The following KTN1 variants were observed in gnomAD, a reference collection of about 807,000 sequenced individuals.
KTN1 encodes kinectin 1, also known as kinectin.
In KTN1, 130 loss-of-function variants were observed where a neutral mutation model predicts 222.5. That is an observed-to-expected ratio of 0.58 (90% CI 0.51 to 0.68). The LOEUF is 0.68. Among genes scored for constraint, KTN1 ranks in the 30% least tolerant of loss-of-function variants. The pLI is 0.00. For missense variants in KTN1, 1,508 were observed against 1,500.4 expected, an observed-to-expected ratio of 1.01 and a Z score of -0.08; for synonymous variants, 512 against 496.3, an observed-to-expected ratio of 1.03 and a Z score of -0.42.
rs2141392803 is a variant in KTN1, at chr14:55,678,348, AT to A, written c.3856-3del. The A allele has an allele frequency of 7.0e-6, 11 of 1,577,724 alleles. No individual in the cohort carries two copies. Among genetic ancestry groups the A allele is most frequent in the Middle Eastern group, 1.7e-4 (1 of 5,992 alleles). On this transcript the variant is annotated splice_polypyrimidine_tract_variant and splice_region_variant and intron_variant, in intron 41 of 43. Transcript: ENST00000395314. ...TAGTAGCTACCATATTGTTTTCCTTATAGGCTCAACAGTCACTGGAGCTTAT... is the reference window on the plus strand; with the variant it reads ...TAGTAGCTACCATATTGTTTTCCTTAAGGCTCAACAGTCACTGGAGCTTAT...
At chr14:55,624,380 G>C (rs1252398430) in intron 5 of KTN1, among the ~76,000 whole-genome samples, 1 of 152,210 alleles carries the variant, frequency 6.6e-6, no homozygotes, top group Non-Finnish European at 1.5e-5. Flanking sequence ...CTAAAGAAGA[G>C]TCCATGGTGA....
At chr14:55,654,866 C>A (rs577212556) in intron 28 of KTN1, among the ~76,000 whole-genome samples, 1 of 152,176 alleles carries the variant, frequency 6.6e-6, no homozygotes, top group South Asian at 2.1e-4. Context: ...TCCCTTCCTC[C>A]ACATCCCGGC....
At chr14:55,595,403 G>GGT (rs1459671561) in intron 1 of KTN1, among the ~76,000 whole-genome samples, 2 of 152,262 alleles carry the variant, frequency 1.3e-5, no homozygotes, top group East Asian at 3.9e-4. Context: ...TTAGTAATGT[G>GGT]GTGTTCCAGC....
At position 55,653,541 on chromosome 14, in the gene KTN1, TATG is replaced by T; in HGVS notation, c.2764-15_2764-13del. 4 of 1,603,630 alleles carry T rather than the reference TATG, an allele frequency of 2.5e-6. No homozygotes were observed. The highest frequency in any genetic ancestry group is 3.4e-6 in the Non-Finnish European group (4 of 1,171,774). On this transcript the variant is annotated splice_polypyrimidine_tract_variant and intron_variant, in intron 27 of 43. Coordinates refer to ENST00000395314, the MANE Select transcript of KTN1 (RefSeq NM_001079521.2). ...CATTTAATGCTAACAGCATTAAAAA[TATG>T]ATTCTGTTTCTCAGGCCTCTTCTGC...
chr14:55,614,232 T>C (rs2038021408), intron 2 of KTN1, among the ~76,000 whole-genome samples: 1 of 152,204 alleles, frequency 6.6e-6, no homozygotes, highest in African/African-American at 2.4e-5. Context: ...CATGGTCATA[T>C]TTCTGTTTTA....
chr14:55,637,376 TC>T lies in KTN1; in HGVS notation c.1716+13del. On this transcript the variant is annotated intron_variant, in intron 11 of 43. Transcript: ENST00000395314. ...AAATGCAGGTTCAGGTATTTTTTCTTCTTTTTTTTTTTTTAAAAAAATACAG... is the reference window on the plus strand; with the variant it reads ...AAATGCAGGTTCAGGTATTTTTTCTTTTTTTTTTTTTTTAAAAAAATACAG... 2 of 1,525,222 alleles carry T rather than the reference TC, an allele frequency of 1.3e-6. No homozygotes were observed. Among genetic ancestry groups the T allele is most frequent in the Non-Finnish European group, 1.8e-6 (2 of 1,134,284 alleles). 94.5% of individuals were successfully genotyped at this position (1,525,222 alleles called of 1,614,324 possible).
rs1322273682 is a variant in KTN1, at chr14:55,634,509, C to T, written c.1329-17C>T. On this transcript the variant is annotated splice_polypyrimidine_tract_variant and intron_variant, in intron 8 of 43. Coordinates refer to ENST00000395314, the MANE Select transcript of KTN1 (RefSeq NM_001079521.2). Reference sequence around the variant, plus strand: ...TTTGTAATAACGGAAGGCTCCTAATCCAGTTACTGTTTTCAGGCAGTCTGC... The same window carrying T: ...TTTGTAATAACGGAAGGCTCCTAATTCAGTTACTGTTTTCAGGCAGTCTGC... 1 of 1,591,128 alleles carries T rather than the reference C, an allele frequency of 6.3e-7. No homozygotes were observed. Among genetic ancestry groups the T allele is most frequent in the South Asian group, 1.2e-5 (1 of 86,532 alleles).
At chr14:55,616,816 T>C (rs1438723206) in intron 3 of KTN1, among the ~76,000 whole-genome samples, 162 bp downstream of exon 3, 1 of 152,204 alleles carries the variant, frequency 6.6e-6, no homozygotes, top group Non-Finnish European at 1.5e-5. Flanking sequence ...CTTATGACTT[T>C]ATAGCGCTTT....
At chr14:55,661,075 T>C (rs1217145954) in intron 31 of KTN1, among the ~76,000 whole-genome samples, 1 of 152,178 alleles carries the variant, frequency 6.6e-6, no homozygotes, top group Non-Finnish European at 1.5e-5. Flanking sequence ...AACACTGAGC[T>C]CATTTTAATA....
chr14:55,635,151 T>C (rs2040977339), intron 9 of KTN1, among the ~76,000 whole-genome samples: 1 of 152,154 alleles, frequency 6.6e-6, no homozygotes. Context: ...ATGGGACCTG[T>C]AGTCTAAATG....
chr14:55,605,796 A>G (rs985991200), intron 1 of KTN1, among the ~76,000 whole-genome samples: 4 of 152,220 alleles, frequency 2.6e-5, no homozygotes, highest in African/African-American at 9.6e-5. Flanking sequence ...CAACTACATG[A>G]TGGCTAATAT....
rs529219627 is a variant in KTN1, at chr14:55,667,379, G to A, written c.3267+49G>A. The A allele has an allele frequency of 6.2e-6, 7 of 1,122,332 alleles. No homozygotes were observed. The East Asian group carries it at 1.5e-4, about 24-fold the overall frequency. The allele number at this position is 1,122,332 out of a possible 1,614,324, so 69.5% of individuals were successfully genotyped here. A position where few individuals can be genotyped will look rare whatever the true frequency, so the allele number is the denominator to read the frequency against. On this transcript the variant is annotated intron_variant, in intron 34 of 43. Transcript: ENST00000395314. Reference sequence around the variant, plus strand: ...TAACATGATGACATTATTCAAGAAAGGTGTGAATAAGCAACATCATTTGCA... The same window carrying A: ...TAACATGATGACATTATTCAAGAAAAGTGTGAATAAGCAACATCATTTGCA...
chr14:55,601,470 C>G (rs781553163), intron 1 of KTN1, among the ~76,000 whole-genome samples: 2 of 152,004 alleles, frequency 1.3e-5, no homozygotes, highest in Admixed American at 6.6e-5. Context: ...TGTATAATTG[C>G]GTTGTGCACT....
intron 19 of KTN1, 103 bp from the exon 20 acceptor site, chr14:55,647,922 C>T (rs1438662360): frequency 2.2e-5 from 6 of 267,166 alleles, no homozygotes; most frequent in Non-Finnish European, 3.3e-5. Context: ...CCAGCCTGGG[C>T]GACAGAGCGA....
At chr14:55,601,331 ATAAAGT>A (rs2035939521) in intron 1 of KTN1, among the ~76,000 whole-genome samples, 1 of 152,252 alleles carries the variant, frequency 6.6e-6, no homozygotes, top group Non-Finnish European at 1.5e-5. Flanking sequence ...AGTGTGGTCT[ATAAAGT>A]TAATCTTAGA....
At chr14:55,668,684 C>T (rs2045128688) in intron 34 of KTN1, 1 of 152,040 alleles carries the variant, frequency 6.6e-6, no homozygotes, top group African/African-American at 2.4e-5. Context: ...TGCTGCTAAA[C>T]TTTGATAGCT....
chr14:55,614,572 A>G (rs533798463), intron 2 of KTN1, among the ~76,000 whole-genome samples: 1 of 152,294 alleles, frequency 6.6e-6, no homozygotes, highest in South Asian at 2.1e-4. Flanking sequence ...CACTTTTTGC[A>G]TTTTAAATGG....
chr14:55,609,505 C>G (rs1393511319), intron 1 of KTN1, among the ~76,000 whole-genome samples: 1 of 152,132 alleles, frequency 6.6e-6, no homozygotes, highest in East Asian at 1.9e-4. Context: ...TCCTTCACGC[C>G]TATATATGGG....
chr14:55,650,382 AC>A lies in KTN1; in HGVS notation c.2461del (p.Leu821PhefsTer14), dbSNP rs1211568706. The A allele has an allele frequency of 6.2e-7, 1 of 1,611,568 alleles. No homozygotes were observed. The highest frequency in any genetic ancestry group is 8.5e-7 in the Non-Finnish European group (1 of 1,179,046). ...CTGTAGAAGAGCTTCTGGAGGCAGA[AC>A]TTCTCAAAGTTGCTAACAAGGAGAA... ...KSVEELLEAELLKVANKEKTV... is the reference protein window; with the variant it reads ...KSVEELLEAEXLKVANKEKTV... On this transcript the variant is annotated frameshift_variant, in exon 23 of 44. Coordinates refer to ENST00000395314, the MANE Select transcript of KTN1 (RefSeq NM_001079521.2). LOFTEE classifies it high-confidence loss of function.
Sources: gnomAD v4.1 joint callset for allele counts (sites outside exome capture counted in the v4.1 genomes callset) on GRCh38, gnomAD v4.1.1 for gene constraint, MANE v1.5 for transcripts, NCBI Gene and HGNC (gene_info 2026-07-23, HGNC 2026-07-21) for gene names.